The following L3MBTL4 variants were observed in gnomAD, a reference collection of about 807,000 sequenced individuals.
The protein encoded by L3MBTL4 is lethal(3)malignant brain tumor-like protein 4.
Under a neutral mutation model 84.5 loss-of-function variants are expected in L3MBTL4, and 70 were observed. The ratio of observed to expected loss-of-function variants is 0.83; its 90% CI spans 0.68 to 1.01. The LOEUF is 1.01. L3MBTL4 is among the 50% of genes least tolerant of loss of function. L3MBTL4 has a pLI of 0.00. For synonymous variants in L3MBTL4, 274 were observed against 259.8 expected, an observed-to-expected ratio of 1.05 and a Z score of -0.52; for missense variants, 715 against 754.8, an observed-to-expected ratio of 0.95 and a Z score of 0.62.
intron 13 of L3MBTL4, among the ~76,000 whole-genome samples, chr18:6,138,702 C>T (rs2060108467): frequency 6.6e-6 from 1 of 152,134 alleles, no homozygotes; most frequent in South Asian, 2.1e-4. Flanking sequence ...CAGGCAAGCA[C>T]CACCACGCCC....
chr18:6,288,732 T>C (rs531035662), intron 4 of L3MBTL4, among the ~76,000 whole-genome samples: 53 of 152,154 alleles, frequency 3.5e-4, no homozygotes, highest in African/African-American at 1.3e-3. Context: ...AAACTTGAAA[T>C]AATAACTAGC....
chr18:6,343,114 G>A (rs2052691196), intron 1 of L3MBTL4, among the ~76,000 whole-genome samples: 2 of 152,158 alleles, frequency 1.3e-5, no homozygotes, highest in Non-Finnish European at 2.9e-5. Context: ...AGGGACTGAA[G>A]GGAGAAATAG....
Position 6,295,340 on chromosome 18 carries a change from C to CTATATATA in L3MBTL4, c.127+6562_127+6563insTATATATA, listed in dbSNP as rs1477775190. ...TCTCTCTCTCTCTCTCTCTCTCTCT[C>CTATATATA]TCTCTCTATATATATATATATATAT... On this transcript the variant is annotated intron_variant, in intron 4 of 18. Transcript: ENST00000317931. Among the ~76,000 whole-genome samples, 7 of 122,722 alleles carry CTATATATA rather than the reference C, an allele frequency of 5.7e-5. No individual in the cohort carries two copies. In the East Asian group the frequency reaches 9.1e-4, roughly 16 times the overall value. The allele number at this position is 122,722 out of a possible 152,430, so 80.5% of individuals were successfully genotyped here.
chr18:5,956,230 A>T lies in L3MBTL4; in HGVS notation c.1835T>A (p.Val612Asp), dbSNP rs778507977. 1.2e-6 allele frequency: 2 copies of T among 1,612,998 alleles called. No individual in the cohort carries two copies. Among genetic ancestry groups the T allele is most frequent in the Non-Finnish European group, 8.5e-7 (1 of 1,179,604 alleles). Reference sequence around the variant, plus strand: ...GTTCAGGGAGCCCATTCATCCCCTGACTTCTTGGCCTGAGGCAATATCTTC... The same window carrying T: ...GTTCAGGGAGCCCATTCATCCCCTGTCTTCTTGGCCTGAGGCAATATCTTC... Reference protein sequence around the residue: ...PEEDIASGQEVRG With the variant: ...PEEDIASGQEDRG The change falls in exon 19 of 19, where the codon GTC (valine) becomes GAC (aspartate). Residue 612 changes from valine (V) to aspartate (D), a missense_variant. Physicochemically the swap from Val to Asp is radical, Grantham distance 152 (BLOSUM62 -3). Coordinates refer to ENST00000317931, the MANE Select transcript of L3MBTL4 (RefSeq NM_001330559.2).
intron 3 of L3MBTL4, among the ~76,000 whole-genome samples, chr18:6,308,231 C>T (rs1036040444): frequency 3.3e-5 from 5 of 152,174 alleles, no homozygotes; most frequent in Non-Finnish European, 7.3e-5. Flanking sequence ...AGCAGCACTA[C>T]AGGGACCAGA....
At chr18:6,010,398 G>A (rs2054680317) in intron 16 of L3MBTL4, among the ~76,000 whole-genome samples, 1 of 152,130 alleles carries the variant, frequency 6.6e-6, no homozygotes, top group Admixed American at 6.5e-5. Context: ...ATGAAAAATG[G>A]TTTGTGATTC....
chr18:6,029,575 T>C, intron 16 of L3MBTL4: 1 of 985,340 alleles, frequency 1.0e-6, no homozygotes, highest in Middle Eastern at 5.2e-4. Flanking sequence ...ACAAAAACGA[T>C]AAACTGCTTA....
chr18:6,138,144 C>A, intron 14 of L3MBTL4, 50 bp downstream of exon 14: 1 of 1,279,856 alleles, frequency 7.8e-7, no homozygotes, highest in Non-Finnish European at 1.1e-6. Flanking sequence ...TGCTAATCTG[C>A]AGAATGTTTC....
intron 4 of L3MBTL4, among the ~76,000 whole-genome samples, chr18:6,288,187 C>T (rs2049686525): frequency 6.6e-6 from 1 of 152,164 alleles, no homozygotes; most frequent in South Asian, 2.1e-4. Flanking sequence ...AAAAGCTATA[C>T]AATCTCTCTG....
chr18:6,078,439 C>CAAAAAAAAAAAAAAAAAA, intron 16 of L3MBTL4, among the ~76,000 whole-genome samples: 1 of 43,766 alleles, frequency 2.3e-5, no homozygotes, highest in Non-Finnish European at 4.2e-5. Context: ...AAAAAAAAAA[C>CAAAAAAAAAAAAAAAAAA]AAAAAAAAAA....
intron 14 of L3MBTL4, among the ~76,000 whole-genome samples, chr18:6,130,876 G>A (rs2059856399): frequency 6.6e-6 from 1 of 152,024 alleles, no homozygotes. Flanking sequence ...ATACAGATAA[G>A]AACTGATGCA....
At chr18:6,117,629 C>T (rs777416087) in intron 14 of L3MBTL4, among the ~76,000 whole-genome samples, 13 of 152,202 alleles carry the variant, frequency 8.5e-5, no homozygotes, top group Non-Finnish European at 1.5e-4. Flanking sequence ...GATAGCTGAT[C>T]CTTCTGAACC....
intron 16 of L3MBTL4, among the ~76,000 whole-genome samples, chr18:5,998,424 T>C (rs1598397457): frequency 6.6e-6 from 1 of 152,136 alleles, no homozygotes; most frequent in East Asian, 1.9e-4. Flanking sequence ...CCTCAGAGAA[T>C]GTTTCGCCTG....
At chr18:6,360,918 AG>A (rs1163060256) in intron 1 of L3MBTL4, among the ~76,000 whole-genome samples, 1 of 151,078 alleles carries the variant, frequency 6.6e-6, no homozygotes, top group Non-Finnish European at 1.5e-5. Context: ...GAGACTTAGG[AG>A]GTAGGATTGC....
chr18:6,377,988 C>T (rs1047560297), intron 1 of L3MBTL4, among the ~76,000 whole-genome samples: 4 of 152,164 alleles, frequency 2.6e-5, no homozygotes, highest in African/African-American at 9.7e-5. Flanking sequence ...CCTGTTGTTT[C>T]CTGACTTTTT....
chr18:6,032,612 A>C (rs191709832), intron 16 of L3MBTL4, among the ~76,000 whole-genome samples: 1 of 152,144 alleles, frequency 6.6e-6, no homozygotes, highest in Non-Finnish European at 1.5e-5. Flanking sequence ...CAGTGGTATT[A>C]AATACATCCC....
chr18:6,118,334 C>T (rs1680897508), intron 14 of L3MBTL4, among the ~76,000 whole-genome samples: 1 of 152,124 alleles, frequency 6.6e-6, no homozygotes, highest in African/African-American at 2.4e-5. Context: ...AAAGATACCA[C>T]CTTTCCCCGG....
At chr18:6,385,323 G>A (rs546180302) in intron 1 of L3MBTL4, among the ~76,000 whole-genome samples, 7 of 152,306 alleles carry the variant, frequency 4.6e-5, no homozygotes, top group African/African-American at 1.7e-4. Context: ...GATCACTAGA[G>A]CACAGGAGTT....
At chr18:6,222,963 A>AAT (rs1555694534) in intron 10 of L3MBTL4, among the ~76,000 whole-genome samples, 1 of 148,202 alleles carries the variant, frequency 6.7e-6, no homozygotes, top group East Asian at 1.9e-4. Flanking sequence ...AATATAATAT[A>AAT]ATATAATATA....
Sources: allele counts gnomAD v4.1 joint callset (sites outside exome capture counted in the v4.1 genomes callset), GRCh38; gene constraint gnomAD v4.1.1; transcripts MANE v1.5; gene names NCBI Gene and HGNC (gene_info 2026-07-23, HGNC 2026-07-21).